The following RBBP8 variants were observed in gnomAD, a reference collection of about 807,000 sequenced individuals.
The protein encoded by RBBP8 is DNA endonuclease RBBP8.
A neutral mutation model predicts 108.3 loss-of-function variants in RBBP8; 88 were observed. That is an observed-to-expected ratio of 0.81 (90% CI 0.68 to 0.97). RBBP8 has a LOEUF of 0.97. RBBP8 is among the 50% of genes least tolerant of loss of function. RBBP8 has a pLI of 0.00. For missense variants in RBBP8, 1,023 were observed against 1,049.0 expected (o/e 0.98, Z 0.34); for synonymous variants, 332 against 348.2 (o/e 0.95, Z 0.52).
chr18:22,936,787 C>T lies in RBBP8; in HGVS notation c.-65C>T. 8 of 1,596,630 alleles carry T rather than the reference C, an allele frequency of 5.0e-6. No individual in the cohort carries two copies. Among genetic ancestry groups the T allele is most frequent in the Non-Finnish European group, 6.9e-6 (8 of 1,165,602 alleles). On this transcript the variant is annotated 5_prime_UTR_variant, in exon 2 of 19. Transcript: ENST00000327155. ...CCTGTCCAAAGACGACTTGATACCT[C>T]TATAATGTAACAGAAAAGGTCAGAA...
intron 14 of RBBP8, among the ~76,000 whole-genome samples, chr18:23,000,740 CA>C (rs78173403): frequency 0.024 from 2,108 of 87,004 alleles, 24 homozygotes; most frequent in Middle Eastern, 0.071. Context: ...GACTCCGTCT[CA>C]AAAAAAAAAA....
intron 4 of RBBP8, among the ~76,000 whole-genome samples, chr18:22,952,568 A>G (rs1598655089): frequency 6.6e-6 from 1 of 152,150 alleles, no homozygotes; most frequent in Admixed American, 6.6e-5. Flanking sequence ...CTATCTCCTA[A>G]TTGGAAGATG....
At chr18:23,004,206 C>T (rs1360350761) in intron 15 of RBBP8, among the ~76,000 whole-genome samples, 6 of 151,644 alleles carry the variant, frequency 4.0e-5, no homozygotes, top group Admixed American at 4.0e-4. Context: ...TCAGAATAGC[C>T]AAGATACGGA....
At chr18:23,023,943 G>A (rs762032128) in intron 18 of RBBP8, among the ~76,000 whole-genome samples, 4 of 125,184 alleles carry the variant, frequency 3.2e-5, no homozygotes, top group Non-Finnish European at 6.3e-5. Flanking sequence ...GCACAATCTC[G>A]GCTCACTGCA....
rs186171578 is a variant in RBBP8, at chr18:22,961,892, C to T, written c.249-6914C>T. 3.3e-3 allele frequency among the ~76,000 whole-genome samples: 504 copies of T among 152,306 alleles called. 1 individual carries two copies. Among genetic ancestry groups the T allele is most frequent in the Non-Finnish European group, 6.2e-3 (424 of 68,020 alleles). ...TTTTTCCTCTCTTTCTCCCTCCCTC[C>T]CTTTTAAATCTGCTTAGGTGGTTTT... On this transcript the variant is annotated intron_variant, in intron 4 of 18. Coordinates refer to ENST00000327155, the MANE Select transcript of RBBP8 (RefSeq NM_002894.3).
chr18:23,021,519 A>T (rs1247521400), intron 17 of RBBP8, among the ~76,000 whole-genome samples: 1 of 152,200 alleles, frequency 6.6e-6, no homozygotes, highest in African/African-American at 2.4e-5. Context: ...TTTACGTATA[A>T]TTTTATCCTT....
chr18:22,990,616 C>T (rs1167456184), intron 9 of RBBP8, among the ~76,000 whole-genome samples: 4 of 152,174 alleles, frequency 2.6e-5, no homozygotes, highest in African/African-American at 9.7e-5. Context: ...ATGCAGCTAT[C>T]ACTTCTATCC....
At chr18:22,937,976 C>T (rs1910722055) in intron 2 of RBBP8, among the ~76,000 whole-genome samples, 1 of 151,806 alleles carries the variant, frequency 6.6e-6, no homozygotes, top group Admixed American at 6.6e-5. Flanking sequence ...CAGGTGTGCA[C>T]CACCACGCCC....
At position 23,022,125 on chromosome 18, in the gene RBBP8, T is replaced by G. The variant is rs374660795; in HGVS notation, c.2455-4T>G. 179 of 1,590,314 alleles carry G rather than the reference T, an allele frequency of 1.1e-4. No homozygotes were observed. The highest frequency in any genetic ancestry group is 5.0e-4 in the Middle Eastern group (3 of 6,034). On this transcript the variant is annotated splice_region_variant and splice_polypyrimidine_tract_variant and intron_variant, in intron 17 of 18. Transcript: ENST00000327155. The stretch of plus-strand genomic sequence containing the variant: ...TGAAAAAACTTACCAGTTTTTATTA[T>G]TAGTATTATGCAGATATGCCAGCAG...
At chr18:22,980,508 G>C (rs1914835365) in intron 6 of RBBP8, among the ~76,000 whole-genome samples, 1 of 152,138 alleles carries the variant, frequency 6.6e-6, no homozygotes, top group Non-Finnish European at 1.5e-5. Flanking sequence ...AGTATGCTTG[G>C]TGTGTTTGGG....
At chr18:22,946,541 G>A (rs915178345) in intron 3 of RBBP8, 55 bp downstream of exon 3, 2 of 1,603,146 alleles carry the variant, frequency 1.2e-6, no homozygotes, top group Admixed American at 1.7e-5. Context: ...TGATACTGAT[G>A]TCCAATTTGA....
intron 16 of RBBP8, among the ~76,000 whole-genome samples, chr18:23,012,064 C>T (rs896173521): frequency 2.0e-5 from 3 of 151,750 alleles, no homozygotes; most frequent in Non-Finnish European, 4.4e-5. Flanking sequence ...ATTAGCTGAG[C>T]GTGGTGGCAC....
intron 4 of RBBP8, among the ~76,000 whole-genome samples, chr18:22,961,668 CTTTTA>C (rs1913108284): frequency 6.6e-6 from 1 of 152,126 alleles, no homozygotes; most frequent in Non-Finnish European, 1.5e-5. Context: ...ATTTGTTTGA[CTTTTA>C]TTTTTTAAGC....
At chr18:22,924,704 T>C (rs548423082) in intron 3 of RBBP8, among the ~76,000 whole-genome samples, 1 of 152,066 alleles carries the variant, frequency 6.6e-6, no homozygotes. Flanking sequence ...AGTACAGGCA[T>C]GAGCCACTGC....
intron 3 of RBBP8, among the ~76,000 whole-genome samples, chr18:22,919,156 CA>C (rs1171324891): frequency 6.6e-6 from 1 of 152,094 alleles, no homozygotes; most frequent in East Asian, 1.9e-4. Flanking sequence ...AGCCGATGAG[CA>C]AAGATCACAA....
Position 22,971,626 on chromosome 18 carries a change from A to G in RBBP8, c.361+2708A>G, listed in dbSNP as rs114931281. Reference sequence around the variant, plus strand: ...TTTACTGATAGCTTTTCTAGGGTGAACCAATGTTTAATTTCTTTTTTTTTT... The same window carrying G: ...TTTACTGATAGCTTTTCTAGGGTGAGCCAATGTTTAATTTCTTTTTTTTTT... On this transcript the variant is annotated intron_variant, in intron 5 of 18. Transcript: ENST00000327155. Among the ~76,000 whole-genome samples the G allele has an allele frequency of 6.0e-3, 900 of 150,166 alleles. 10 individuals are homozygous for G. Among genetic ancestry groups the G allele is most frequent in the African/African-American group, 0.021 (861 of 40,922 alleles).
chr18:23,025,543 G>A (rs997337252), intron 18 of RBBP8, among the ~76,000 whole-genome samples: 2 of 152,234 alleles, frequency 1.3e-5, no homozygotes, highest in Non-Finnish European at 2.9e-5. Context: ...CACCCCATGC[G>A]TATGGCAGAG....
At chr18:23,020,135 T>C (rs2046324957) in intron 17 of RBBP8, among the ~76,000 whole-genome samples, 1 of 151,724 alleles carries the variant, frequency 6.6e-6, no homozygotes, top group Non-Finnish European at 1.5e-5. Flanking sequence ...AAAACTTGTA[T>C]TTTGGCCAGG....
intron 3 of RBBP8, among the ~76,000 whole-genome samples, chr18:22,925,711 TAATA>T (rs1234873393): frequency 1.3e-5 from 2 of 152,204 alleles, no homozygotes; most frequent in Non-Finnish European, 1.5e-5. Flanking sequence ...ATTCTTTAAT[TAATA>T]GAATCCAAAT....
Sources: gnomAD v4.1 joint callset for allele counts (sites outside exome capture counted in the v4.1 genomes callset) on GRCh38, gnomAD v4.1.1 for gene constraint, MANE v1.5 for transcripts, NCBI Gene and HGNC (gene_info 2026-07-23, HGNC 2026-07-21) for gene names.